Variants in TAFA1 observed in about 807,000 individuals in gnomAD.
TAFA1 encodes TAFA chemokine like family member 1.
Under a neutral mutation model 18.5 loss-of-function variants are expected in TAFA1, and 4 were observed. That is an observed-to-expected ratio of 0.22 (90% CI 0.11 to 0.49). The LOEUF (loss-of-function observed/expected upper bound fraction) is 0.49, where lower values mean the gene tolerates loss of function less well. Ranked by LOEUF, TAFA1 falls within the 20% of genes least tolerant of loss-of-function variation. The pLI is 0.98. For synonymous variants in TAFA1, 56 were observed against 55.2 expected, an observed-to-expected ratio of 1.01 and a Z score of -0.06; for missense variants, 147 against 169.0, an observed-to-expected ratio of 0.87 and a Z score of 0.72.
At chr3:68,475,806 T>C (rs2072083286) in intron 3 of TAFA1, among the ~76,000 whole-genome samples, 1 of 152,030 alleles carries the variant, frequency 6.6e-6, no homozygotes, top group Non-Finnish European at 1.5e-5. Context: ...TTTCTCCACA[T>C]CCTCTCCAGC....
chr3:68,069,354 C>T (rs2064723013), intron 2 of TAFA1, among the ~76,000 whole-genome samples: 1 of 152,136 alleles, frequency 6.6e-6, no homozygotes, highest in East Asian at 1.9e-4. Flanking sequence ...GGGAAAGTCC[C>T]CCTTATAGAA....
At chr3:68,491,219 G>A (rs1266099451) in intron 3 of TAFA1, among the ~76,000 whole-genome samples, 1 of 152,072 alleles carries the variant, frequency 6.6e-6, no homozygotes, top group Non-Finnish European at 1.5e-5. Flanking sequence ...AAAACATGCT[G>A]CTGTAAAGAC....
At chr3:68,224,451 G>A (rs1240653595) in intron 2 of TAFA1, among the ~76,000 whole-genome samples, 1 of 152,116 alleles carries the variant, frequency 6.6e-6, no homozygotes, top group African/African-American at 2.4e-5. Context: ...CTATTCCGAA[G>A]GGCTTCTAAT....
At chr3:68,264,923 A>G (rs934140602) in intron 2 of TAFA1, among the ~76,000 whole-genome samples, 1 of 152,134 alleles carries the variant, frequency 6.6e-6, no homozygotes, top group African/African-American at 2.4e-5. Context: ...ACATAAAAAG[A>G]TATGTTAAGA....
At chr3:68,102,688 C>T (rs1476847611) in intron 2 of TAFA1, among the ~76,000 whole-genome samples, 1 of 152,166 alleles carries the variant, frequency 6.6e-6, no homozygotes, top group African/African-American at 2.4e-5. Context: ...CAGGTTATCT[C>T]TGCTTTTAAC....
chr3:68,313,129 A>G (rs550171814), intron 2 of TAFA1, among the ~76,000 whole-genome samples: 3 of 152,312 alleles, frequency 2.0e-5, no homozygotes, highest in African/African-American at 7.2e-5. Flanking sequence ...CCCACAACAC[A>G]TGGGAAATAT....
chr3:68,106,413 G>T (rs1043540641), intron 2 of TAFA1, among the ~76,000 whole-genome samples: 1 of 152,068 alleles, frequency 6.6e-6, no homozygotes, highest in Non-Finnish European at 1.5e-5. Context: ...AGGAACTAAA[G>T]TTTTAATTTA....
At chr3:68,093,219 C>T (rs527824997) in intron 2 of TAFA1, among the ~76,000 whole-genome samples, 108 of 152,110 alleles carry the variant, frequency 7.1e-4, no homozygotes, top group Admixed American at 1.4e-3. Context: ...AATTCTTGTC[C>T]GGCCTGGTCA....
intron 2 of TAFA1, among the ~76,000 whole-genome samples, chr3:68,122,502 T>C (rs1473880866): frequency 6.6e-6 from 1 of 152,180 alleles, no homozygotes; most frequent in East Asian, 1.9e-4. Context: ...TGGATCTAGA[T>C]GTAAATGTGC....
chr3:68,465,558 A>G (rs2071872397), intron 3 of TAFA1, among the ~76,000 whole-genome samples: 1 of 152,196 alleles, frequency 6.6e-6, no homozygotes, highest in Non-Finnish European at 1.5e-5. Context: ...AATAACTTAG[A>G]AATTTATTTC....
At chr3:68,392,313 A>G (rs555806730) in intron 2 of TAFA1, among the ~76,000 whole-genome samples, 2 of 152,290 alleles carry the variant, frequency 1.3e-5, no homozygotes, top group South Asian at 2.1e-4. Context: ...AGAGCTAACT[A>G]TCCTAAATAA....
chr3:68,364,184 G>A (rs1160008323), intron 2 of TAFA1, among the ~76,000 whole-genome samples: 1 of 152,148 alleles, frequency 6.6e-6, no homozygotes, highest in African/African-American at 2.4e-5. Flanking sequence ...CTTTAAGTCA[G>A]CACTTAGGAC....
rs536287023 is a variant in TAFA1 at position 68,352,900 on chromosome 3, A to T, written c.119-64380A>T. Among the ~76,000 whole-genome samples the T allele has an allele frequency of 2.2e-4, 34 of 152,132 alleles. No individual in the cohort carries two copies. The South Asian group carries it at 6.8e-3, about 31-fold the overall frequency. ...CATCTGTCATTTACCTCCTCTACCTATGATGACCTTCCCAGGGTATAGGGC... is the reference window on the plus strand; with the variant it reads ...CATCTGTCATTTACCTCCTCTACCTTTGATGACCTTCCCAGGGTATAGGGC... On this transcript the variant is annotated intron_variant, in intron 2 of 4. Transcript: ENST00000478136.
rs187340969 is a variant in TAFA1, at chr3:68,423,967, G to C, written c.259+6547G>C. ...GCAACCTTCACCTGGTGTTCTTGCC[G>C]TCTTATACTGGATCACCAGCAAGAG... On this transcript the variant is annotated intron_variant, in intron 3 of 4. Transcript: ENST00000478136. Among the ~76,000 whole-genome samples, 1,019 of 151,940 alleles carry C rather than the reference G, an allele frequency of 6.7e-3. 12 individuals are homozygous for C. The highest frequency in any genetic ancestry group is 0.024 in the African/African-American group (988 of 41,470).
intron 2 of TAFA1, among the ~76,000 whole-genome samples, chr3:68,034,953 T>G (rs1186470626): frequency 1.3e-5 from 2 of 152,192 alleles, no homozygotes; most frequent in East Asian, 3.9e-4. Context: ...TCTTAGGGCT[T>G]GCTCACAAAT....
chr3:68,191,207 A>G (rs1214275326), intron 2 of TAFA1, among the ~76,000 whole-genome samples: 1 of 151,700 alleles, frequency 6.6e-6, no homozygotes, highest in Non-Finnish European at 1.5e-5. Context: ...ACACATTATA[A>G]TATATATTTT....
chr3:68,015,292 C>T (rs1252941024), intron 2 of TAFA1, among the ~76,000 whole-genome samples: 2 of 145,376 alleles, frequency 1.4e-5, no homozygotes, highest in East Asian at 2.0e-4. Flanking sequence ...TTTTTCTTTC[C>T]TTTTTTTTTT....
intron 2 of TAFA1, among the ~76,000 whole-genome samples, chr3:68,130,677 T>A (rs1370966037): frequency 6.6e-6 from 1 of 152,090 alleles, no homozygotes; most frequent in Non-Finnish European, 1.5e-5. Context: ...CATCTTACGT[T>A]CCCCTCCTGC....
intron 2 of TAFA1, among the ~76,000 whole-genome samples, chr3:68,189,450 A>G: frequency 6.6e-6 from 1 of 151,810 alleles, no homozygotes; most frequent in East Asian, 1.9e-4. Context: ...GGGGTTGGCA[A>G]GCCATTTTAG....
Sources: gnomAD v4.1 joint callset for allele counts (sites outside exome capture counted in the v4.1 genomes callset) on GRCh38, gnomAD v4.1.1 for gene constraint, MANE v1.5 for transcripts, NCBI Gene and HGNC (gene_info 2026-07-23, HGNC 2026-07-21) for gene names.